The following GFI1B variants were observed in gnomAD, a reference collection of about 807,000 sequenced individuals.
GFI1B encodes zinc finger protein Gfi-1b.
GFI1B carries 20 observed loss-of-function variants against 35.3 expected under a neutral mutation model. The observed-to-expected ratio is 0.57, with a 90% CI of 0.40 to 0.82. The LOEUF is 0.82. Ranked by LOEUF, GFI1B falls within the 40% of genes least tolerant of loss-of-function variation. The pLI is 0.00. For missense variants in GFI1B, 430 were observed against 446.3 expected (o/e 0.96, Z 0.33); for synonymous variants, 178 against 177.6 (o/e 1.00, Z -0.02).
intron 1 of GFI1B, among the ~76,000 whole-genome samples, chr9:132,954,311 A>G (rs1209768342): frequency 6.6e-6 from 1 of 151,956 alleles, no homozygotes; most frequent in Admixed American, 6.6e-5. Context: ...GCAGTGGCTC[A>G]CTCCTATAAT....
upstream of GFI1B, chr9:132,978,655 C>A (rs1848704598): frequency 6.6e-6 from 1 of 152,120 alleles, no homozygotes; most frequent in Admixed American, 6.6e-5. Context: ...CACAAATAAT[C>A]AGATTGAAAA....
chr9:132,965,097 C>T (rs1848430243), intron 1 of GFI1B, among the ~76,000 whole-genome samples: 1 of 152,170 alleles, frequency 6.6e-6, no homozygotes, highest in African/African-American at 2.4e-5. Context: ...GTCTTTCTCT[C>T]TGTTTGTTGT....
chr9:132,969,097 C>T (rs1026665921), intron 1 of GFI1B, among the ~76,000 whole-genome samples: 4 of 151,938 alleles, frequency 2.6e-5, no homozygotes, highest in East Asian at 1.9e-4. Context: ...GGCATGATCT[C>T]GGCTCACTGC....
chr9:132,972,936 T>C (rs1290865380), intron 2 of GFI1B, among the ~76,000 whole-genome samples: 1 of 152,188 alleles, frequency 6.6e-6, no homozygotes, highest in Non-Finnish European at 1.5e-5. Flanking sequence ...AAGAGGTCCG[T>C]AGCCGCCGAT....
At chr9:132,985,572 T>C (rs1406913754) in intron 1 of GFI1B, among the ~76,000 whole-genome samples, 1 of 152,152 alleles carries the variant, frequency 6.6e-6, no homozygotes, top group Non-Finnish European at 1.5e-5. Flanking sequence ...GCCAGGGCTG[T>C]GGACAAGGCG....
chr9:132,970,441 G>GCACGCACGCACGCACA (rs1452713759), intron 1 of GFI1B, among the ~76,000 whole-genome samples: 33 of 152,070 alleles, frequency 2.2e-4, no homozygotes, highest in Non-Finnish European at 2.1e-4. Context: ...ACGCACGCAT[G>GCACGCACGCACGCACA]CACGCACGCA....
intron 1 of GFI1B, among the ~76,000 whole-genome samples, chr9:132,962,059 C>G (rs943528743): frequency 4.4e-5 from 3 of 68,666 alleles, no homozygotes; most frequent in Non-Finnish European, 9.3e-5. Context: ...CCCTACACAC[C>G]TACACTCTAC....
At chr9:132,984,666 C>T (rs1236564968) in intron 1 of GFI1B, among the ~76,000 whole-genome samples, 2 of 152,176 alleles carry the variant, frequency 1.3e-5, no homozygotes, top group Non-Finnish European at 2.9e-5. Flanking sequence ...TTTCTCGCTC[C>T]CCACCATCCC....
At chr9:132,965,558 C>T (rs11243956) in intron 1 of GFI1B, among the ~76,000 whole-genome samples, 34,575 of 152,174 alleles carry the variant, frequency 0.23, 4,451 homozygotes, top group African/African-American at 0.35. Flanking sequence ...GATTAGCCGG[C>T]TGGGTTCTAA....
chr9:132,958,992 G>T lies in GFI1B; in HGVS notation c.-701+13323G>T, dbSNP rs1162957161. Reference sequence around the variant, plus strand: ...AGAGGGCTGGCCTATTGGGATCCTGGCTCTGCAAACAAGATGTGTGGTCCT... The same window carrying T: ...AGAGGGCTGGCCTATTGGGATCCTGTCTCTGCAAACAAGATGTGTGGTCCT... On this transcript the variant is annotated intron_variant, in intron 1 of 10. Transcript: ENST00000339463. 2.0e-5 allele frequency among the ~76,000 whole-genome samples: 3 copies of T among 152,124 alleles called. No homozygotes were observed. In the East Asian group the frequency reaches 5.8e-4, roughly 29 times the overall value.
At chr9:132,947,516 CAAAGT>C (rs1375337987) in intron 1 of GFI1B, among the ~76,000 whole-genome samples, 3 of 150,988 alleles carry the variant, frequency 2.0e-5, no homozygotes, top group Non-Finnish European at 4.4e-5. Flanking sequence ...AATTTATAGA[CAAAGT>C]AAAGTGGCCT....
chr9:132,968,785 T>A (rs970785110), intron 1 of GFI1B, among the ~76,000 whole-genome samples: 2 of 152,196 alleles, frequency 1.3e-5, no homozygotes, highest in African/African-American at 4.8e-5. Context: ...TTGTGGTTTT[T>A]ATCAATTAAT....
At chr9:132,971,031 G>A (rs1262976504) in intron 1 of GFI1B, among the ~76,000 whole-genome samples, 1 of 152,184 alleles carries the variant, frequency 6.6e-6, no homozygotes, top group African/African-American at 2.4e-5. Flanking sequence ...ATAGTCAGCT[G>A]TTGAATATTT....
At chr9:132,974,212 A>G (rs185894272), upstream of GFI1B, among the ~76,000 whole-genome samples, 57 of 152,346 alleles carry the variant, frequency 3.7e-4, no homozygotes, top group Non-Finnish European at 4.7e-4. Context: ...GGAGAGTCTA[A>G]GCCCTGAGCT....
chr9:132,973,417 G>A (rs1413367770), intron 2 of GFI1B, among the ~76,000 whole-genome samples: 1 of 152,236 alleles, frequency 6.6e-6, no homozygotes, highest in Non-Finnish European at 1.5e-5. Flanking sequence ...GCCAGCGTGT[G>A]TGCTGAGGCC....
downstream of GFI1B, among the ~76,000 whole-genome samples, chr9:132,992,325 A>G (rs1344534288): frequency 2.6e-5 from 4 of 152,186 alleles, no homozygotes; most frequent in Non-Finnish European, 5.9e-5. Context: ...TGGCTGAATA[A>G]TGGCCCCAAA....
At chr9:132,953,555 G>T (rs1848234108) in intron 1 of GFI1B, 1 of 152,374 alleles carries the variant, frequency 6.6e-6, no homozygotes, top group African/African-American at 2.4e-5. Flanking sequence ...TTGGGAGGCT[G>T]AGGCAGGAGG....
At chr9:132,986,359 G>A (rs534093250) in intron 1 of GFI1B, among the ~76,000 whole-genome samples, 5 of 152,108 alleles carry the variant, frequency 3.3e-5, no homozygotes, top group South Asian at 2.1e-4. Context: ...GTCGGCACAC[G>A]GCGTTCTCCC....
At chr9:132,983,037 T>C (rs1412993786) in intron 1 of GFI1B, among the ~76,000 whole-genome samples, 1 of 151,958 alleles carries the variant, frequency 6.6e-6, no homozygotes, top group African/African-American at 2.4e-5. Flanking sequence ...TTGACCTGGG[T>C]TCTCCTTAGG....
Sources: gnomAD v4.1 joint callset for allele counts (sites outside exome capture counted in the v4.1 genomes callset) on GRCh38, gnomAD v4.1.1 for gene constraint, MANE v1.5 for transcripts, NCBI Gene and HGNC (gene_info 2026-07-23, HGNC 2026-07-21) for gene names.